The following NT5C2 variants were observed in gnomAD, a reference collection of about 807,000 sequenced individuals.
NT5C2 encodes 5'-nucleotidase, cytosolic II, also known as cytosolic purine 5'-nucleotidase.
In NT5C2, 58 loss-of-function variants were observed where a neutral mutation model predicts 76.1. The ratio of observed to expected loss-of-function variants is 0.76; its 90% CI spans 0.62 to 0.95. The LOEUF is 0.95. Among genes scored for constraint, NT5C2 ranks in the 40% least tolerant of loss-of-function variants. The pLI is 0.00. For synonymous variants in NT5C2, 229 were observed against 237.4 expected (o/e 0.96, Z 0.32); for missense variants, 478 against 690.3 (o/e 0.69, Z 3.45).
At position 103,150,022 on chromosome 10, in the gene NT5C2, G is replaced by A. The variant is rs914549720; in HGVS notation, c.102-10543C>T. Among the ~76,000 whole-genome samples the A allele has an allele frequency of 6.6e-5, 10 of 152,012 alleles. No individual in the cohort carries two copies. The South Asian group carries it at 1.2e-3, about 19-fold the overall frequency. ...AACCGCTTTACAAAATTTTAAATCAGCAGGATGAGGAGCTTCTCAAGTCTC... is the reference window on the plus strand; with the variant it reads ...AACCGCTTTACAAAATTTTAAATCAACAGGATGAGGAGCTTCTCAAGTCTC... On this transcript the variant is annotated intron_variant, in intron 3 of 18. Transcript: ENST00000404739.
At chr10:103,133,112 A>G (rs2078536001) in intron 4 of NT5C2, among the ~76,000 whole-genome samples, 1 of 152,144 alleles carries the variant, frequency 6.6e-6, no homozygotes, top group Non-Finnish European at 1.5e-5. Context: ...TTCTCGTGAT[A>G]GTGAATAACT....
intron 3 of NT5C2, among the ~76,000 whole-genome samples, chr10:103,157,124 A>T (rs1366112416): frequency 6.7e-6 from 1 of 149,850 alleles, no homozygotes; most frequent in Non-Finnish European, 1.5e-5. Flanking sequence ...ATTATGTTAA[A>T]TTATTTAAAA....
At chr10:103,175,334 A>G (rs1269931117) in intron 2 of NT5C2, among the ~76,000 whole-genome samples, 2 of 152,182 alleles carry the variant, frequency 1.3e-5, no homozygotes, top group Non-Finnish European at 2.9e-5. Flanking sequence ...ATGTTTTTAA[A>G]ATGTGTGTAG....
At chr10:103,093,390 A>G (rs745921761) in intron 14 of NT5C2, 81 bp from the exon 15 acceptor site, 154 of 1,202,776 alleles carry the variant, frequency 1.3e-4, no homozygotes, top group Non-Finnish European at 1.5e-4. Context: ...ATTAAATACT[A>G]TGATTCATTT....
chr10:103,139,707 C>G (rs904080032), intron 3 of NT5C2, among the ~76,000 whole-genome samples: 2 of 152,076 alleles, frequency 1.3e-5, no homozygotes, highest in Admixed American at 1.3e-4. Flanking sequence ...AATTAACATA[C>G]CCATTATCCC....
intron 3 of NT5C2, among the ~76,000 whole-genome samples, chr10:103,143,185 T>C (rs1447860196): frequency 6.6e-6 from 1 of 152,096 alleles, no homozygotes; most frequent in African/African-American, 2.4e-5. Context: ...GAAATTAGAA[T>C]GATATAGATC....
At chr10:103,171,098 C>T (rs1282817900) in intron 3 of NT5C2, among the ~76,000 whole-genome samples, 1 of 152,038 alleles carries the variant, frequency 6.6e-6, no homozygotes, top group Non-Finnish European at 1.5e-5. Context: ...ATCGTTAGTA[C>T]CCATTTGACA....
intron 3 of NT5C2, among the ~76,000 whole-genome samples, chr10:103,172,247 A>AAT (rs2088310029): frequency 7.1e-6 from 1 of 141,114 alleles, no homozygotes; most frequent in Non-Finnish European, 1.5e-5. Flanking sequence ...TTAACTTTAA[A>AAT]TTTTTTTTTT....
At chr10:103,105,835 A>G (rs369586875) in intron 5 of NT5C2, 34 bp from the exon 6 acceptor site, 86 of 1,407,416 alleles carry the variant, frequency 6.1e-5, no homozygotes, top group Non-Finnish European at 7.5e-5. Context: ...TGATAATGCA[A>G]AGTAATACAG....
intron 3 of NT5C2, among the ~76,000 whole-genome samples, chr10:103,167,866 A>G (rs1454679442): frequency 6.6e-6 from 1 of 152,078 alleles, no homozygotes; most frequent in African/African-American, 2.4e-5. Context: ...CCTGTGCTCA[A>G]TGAGCCATCC....
chr10:103,093,378 C>T, intron 14 of NT5C2, 69 bp from the exon 15 acceptor site: 15 of 1,230,892 alleles, frequency 1.2e-5, no homozygotes, highest in Non-Finnish European at 1.7e-5. Context: ...TAGTATTTAA[C>T]CATTAAATAC....
intron 3 of NT5C2, among the ~76,000 whole-genome samples, chr10:103,149,286 T>C (rs1474140245): frequency 6.6e-6 from 1 of 152,178 alleles, no homozygotes; most frequent in East Asian, 1.9e-4. Context: ...TATAAAATAA[T>C]AGGAGTACTG....
chr10:103,161,502 TA>T (rs1349071343), intron 3 of NT5C2, among the ~76,000 whole-genome samples: 2 of 152,090 alleles, frequency 1.3e-5, no homozygotes, highest in Non-Finnish European at 2.9e-5. Context: ...TATTTGGCAA[TA>T]AAAAATAATG....
chr10:103,114,370 C>T (rs2135489888), intron 4 of NT5C2, among the ~76,000 whole-genome samples: 1 of 152,148 alleles, frequency 6.6e-6, no homozygotes, highest in South Asian at 2.1e-4. Context: ...GATCACGCCA[C>T]TGCACTCCAG....
chr10:103,098,269 T>C (rs901095594), intron 10 of NT5C2: 1 of 300,324 alleles, frequency 3.3e-6, no homozygotes, highest in Non-Finnish European at 6.3e-6. Flanking sequence ...AAGTATGAAA[T>C]TAACATTGGT....
chr10:103,134,274 C>A (rs2078768974), intron 4 of NT5C2, among the ~76,000 whole-genome samples: 1 of 152,050 alleles, frequency 6.6e-6, no homozygotes. Context: ...GGCCAGGAGG[C>A]CTCAGAGGAA....
At chr10:103,114,203 A>C (rs2073780727) in intron 4 of NT5C2, among the ~76,000 whole-genome samples, 1 of 152,184 alleles carries the variant, frequency 6.6e-6, no homozygotes, top group Admixed American at 6.5e-5. Flanking sequence ...TCACGAGGTA[A>C]GGAGTTCGAG....
At chr10:103,190,435 T>A (rs2092551099) in intron 1 of NT5C2, among the ~76,000 whole-genome samples, 2 of 152,168 alleles carry the variant, frequency 1.3e-5, no homozygotes, top group South Asian at 4.1e-4. Flanking sequence ...TTTTTCCTGA[T>A]CCCACCAAGC....
At chr10:103,185,064 A>G (rs2091838573) in intron 1 of NT5C2, among the ~76,000 whole-genome samples, 2 of 152,212 alleles carry the variant, frequency 1.3e-5, no homozygotes, top group African/African-American at 2.4e-5. Context: ...GCCATATCAC[A>G]TAGAATGCTA....
Sources: allele counts gnomAD v4.1 joint callset (sites outside exome capture counted in the v4.1 genomes callset), GRCh38; gene constraint gnomAD v4.1.1; transcripts MANE v1.5; gene names NCBI Gene and HGNC (gene_info 2026-07-23, HGNC 2026-07-21).